TBC1D5: variants seen among roughly 807,000 people sequenced by gnomAD.
The protein encoded by TBC1D5 is TBC1 domain family, member 5.
In TBC1D5, 75 loss-of-function variants were observed where a neutral mutation model predicts 100.3. The observed-to-expected ratio is 0.75, with a 90% confidence interval of 0.62 to 0.91. The LOEUF is 0.91. TBC1D5 is among the 40% of genes least tolerant of loss of function. The pLI is 0.00. For missense variants in TBC1D5, 910 were observed against 942.4 expected (o/e 0.97, Z 0.45); for synonymous variants, 323 against 325.6 (o/e 0.99, Z 0.09).
At chr3:17,330,082 C>T (rs2086686517) in intron 13 of TBC1D5, among the ~76,000 whole-genome samples, 1 of 152,096 alleles carries the variant, frequency 6.6e-6, no homozygotes, top group African/African-American at 2.4e-5. Context: ...TTCTCAGCCA[C>T]CTCCCTTGCA....
chr3:17,694,468 G>C (rs192511510), intron 1 of TBC1D5, among the ~76,000 whole-genome samples: 1 of 152,136 alleles, frequency 6.6e-6, no homozygotes, highest in South Asian at 2.1e-4. Context: ...GTCAACAGCC[G>C]ATTTGATCAA....
intron 18 of TBC1D5, among the ~76,000 whole-genome samples, chr3:17,201,090 T>A (rs2125804282): frequency 6.6e-6 from 1 of 152,318 alleles, no homozygotes; most frequent in Admixed American, 6.5e-5. Flanking sequence ...ATCCAAATTT[T>A]TTTTTATCAT....
intron 2 of TBC1D5, among the ~76,000 whole-genome samples, chr3:17,616,935 T>C (rs557314240): frequency 1.6e-4 from 25 of 152,352 alleles, no homozygotes; most frequent in African/African-American, 5.8e-4. Context: ...GTCATTATGA[T>C]GTTCACTGGT....
intron 17 of TBC1D5, among the ~76,000 whole-genome samples, chr3:17,219,286 G>C (rs2074011325): frequency 1.3e-5 from 2 of 151,320 alleles, no homozygotes; most frequent in African/African-American, 2.4e-5. Context: ...TTTTTTTACT[G>C]ATCTTCTCTA....
intron 2 of TBC1D5, among the ~76,000 whole-genome samples, chr3:17,583,012 T>C (rs2096709435): frequency 6.6e-6 from 1 of 152,122 alleles, no homozygotes; most frequent in African/African-American, 2.4e-5. Context: ...GGGCCAGGAA[T>C]GGTGGCTTAT....
rs370915084 is a variant in TBC1D5 at position 17,404,838 on chromosome 3, A to C, written c.366+34T>G. On this transcript the variant is annotated intron_variant, in intron 6 of 21. Transcript: ENST00000253692. Reference sequence around the variant, plus strand: ...TGGACTTTAAAGTGTACATAAGAAAACAATTACATTAATTAAATATACTAT... The same window carrying C: ...TGGACTTTAAAGTGTACATAAGAAACCAATTACATTAATTAAATATACTAT... 3.8e-6 allele frequency: 6 copies of C among 1,559,962 alleles called. No homozygotes were observed. In the African/African-American group the frequency reaches 6.9e-5, roughly 18 times the overall value.
chr3:17,729,016 TA>T (rs34461809), intron 1 of TBC1D5, among the ~76,000 whole-genome samples: 3,667 of 29,604 alleles, frequency 0.12, 242 homozygotes, highest in African/African-American at 0.32. Context: ...TGAAAATCAG[TA>T]AAAAAAAAAA....
chr3:17,494,228 G>T (rs942387569), intron 3 of TBC1D5, among the ~76,000 whole-genome samples: 1 of 152,046 alleles, frequency 6.6e-6, no homozygotes, highest in Non-Finnish European at 1.5e-5. Flanking sequence ...CCCCCAACCC[G>T]GCACCTGTAG....
chr3:17,734,513 C>T (rs2153992518), intron 1 of TBC1D5, among the ~76,000 whole-genome samples: 1 of 152,114 alleles, frequency 6.6e-6, no homozygotes, highest in East Asian at 1.9e-4. Flanking sequence ...AGTACGAAAA[C>T]AGTTGAAAAA....
At chr3:17,306,951 G>C (rs2083464061) in intron 14 of TBC1D5, among the ~76,000 whole-genome samples, 1 of 152,080 alleles carries the variant, frequency 6.6e-6, no homozygotes, top group Non-Finnish European at 1.5e-5. Context: ...CTTTCACTTT[G>C]AGAAAACCTA....
intron 13 of TBC1D5, among the ~76,000 whole-genome samples, chr3:17,354,563 G>T (rs2091010275): frequency 6.6e-6 from 1 of 151,996 alleles, no homozygotes; most frequent in Non-Finnish European, 1.5e-5. Flanking sequence ...CTCCGAGTTG[G>T]TATTATAAAG....
chr3:17,491,257 C>G (rs2095636403), intron 3 of TBC1D5, among the ~76,000 whole-genome samples: 1 of 152,128 alleles, frequency 6.6e-6, no homozygotes, highest in Non-Finnish European at 1.5e-5. Flanking sequence ...TATCTGCATA[C>G]AAAGATAGTC....
chr3:17,493,245 T>TA (rs1376051489), intron 3 of TBC1D5, among the ~76,000 whole-genome samples: 12 of 152,094 alleles, frequency 7.9e-5, no homozygotes, highest in South Asian at 2.1e-4. Context: ...TTTTTTTTTT[T>TA]TAAGAATGTT....
At chr3:17,657,243 T>C (rs1257370810) in intron 1 of TBC1D5, among the ~76,000 whole-genome samples, 1 of 151,418 alleles carries the variant, frequency 6.6e-6, no homozygotes, top group Non-Finnish European at 1.5e-5. Flanking sequence ...CAACAAAAGC[T>C]GGGGTAAGTA....
chr3:17,485,881 G>A (rs1411167370), intron 3 of TBC1D5, among the ~76,000 whole-genome samples: 1 of 152,046 alleles, frequency 6.6e-6, no homozygotes, highest in East Asian at 1.9e-4. Flanking sequence ...TGGGTCAAAT[G>A]GTATTTCTAG....
intron 1 of TBC1D5, among the ~76,000 whole-genome samples, chr3:17,719,094 C>T (rs2075477414): frequency 6.6e-6 from 1 of 152,020 alleles, no homozygotes; most frequent in East Asian, 1.9e-4. Flanking sequence ...TTTCATTGAT[C>T]CTCTCAATAC....
intron 1 of TBC1D5, among the ~76,000 whole-genome samples, chr3:17,699,064 A>T (rs1241591857): frequency 6.6e-6 from 1 of 151,630 alleles, no homozygotes; most frequent in African/African-American, 2.4e-5. Context: ...AAGGACTATA[A>T]ATCATGCTGC....
chr3:17,220,088 T>G (rs764203483), intron 17 of TBC1D5, among the ~76,000 whole-genome samples: 2 of 152,202 alleles, frequency 1.3e-5, no homozygotes, highest in Admixed American at 6.6e-5. Flanking sequence ...AATGTTTAGC[T>G]GTTCCAAACA....
intron 15 of TBC1D5, among the ~76,000 whole-genome samples, chr3:17,273,059 A>G (rs954631426): frequency 6.6e-6 from 1 of 152,160 alleles, no homozygotes; most frequent in African/African-American, 2.4e-5. Context: ...TCATTCTGAA[A>G]GAGCACTTTA....
Sources: allele counts gnomAD v4.1 joint callset (sites outside exome capture counted in the v4.1 genomes callset), GRCh38; gene constraint gnomAD v4.1.1; transcripts MANE v1.5; gene names NCBI Gene and HGNC (gene_info 2026-07-23, HGNC 2026-07-21).